The following ZNF576 variants were observed in gnomAD, a reference collection of about 807,000 sequenced individuals.
The protein encoded by ZNF576 is zinc finger protein 576.
ZNF576 carries 9 observed loss-of-function variants against 10.8 expected under a neutral mutation model. That is an observed-to-expected ratio of 0.84 (90% CI 0.50 to 1.46). ZNF576 has a LOEUF of 1.46. ZNF576 is among the 40% of genes most tolerant of loss of function. The probability of loss-of-function intolerance (pLI) is 0.00; values close to 1 mark genes in which losing one functional copy is unlikely to be tolerated. For missense variants in ZNF576, 191 were observed against 233.7 expected (o/e 0.82, Z 1.19); for synonymous variants, 88 against 89.6 (o/e 0.98, Z 0.10).
chr19:43,599,195 G>A lies in ZNF576; in HGVS notation c.450G>A (p.Gln150=). The A allele has an allele frequency of 6.2e-7, 1 of 1,614,234 alleles. No homozygotes were observed. Residue 150 remains glutamine (Q), a synonymous_variant, in exon 3 of 3, where the codon CAG becomes CAA. Transcript: ENST00000336564. Reference sequence around the variant, plus strand: ...CCTTCGCCTGCACAGAGTGCGGTCAGGACTTTGCTCAGGAAGCAGGGCTGC... The same window carrying A: ...CCTTCGCCTGCACAGAGTGCGGTCAAGACTTTGCTCAGGAAGCAGGGCTGC... ...PGTFACTECG[Q]DFAQEAGLHQ...
chr19:43,598,257 G>T (rs1410737404), intron 2 of ZNF576, among the ~76,000 whole-genome samples: 1 of 152,094 alleles, frequency 6.6e-6, no homozygotes, highest in Non-Finnish European at 1.5e-5. Context: ...GTCACAGCGT[G>T]GCCTTGTCTG....
Position 43,599,363 on chromosome 19 carries a change from C to CAGGGGAGGGAAGCAAA in ZNF576, c.*105_*106insAGGGGAGGGAAGCAAA. On this transcript the variant is annotated 3_prime_UTR_variant, in exon 3 of 3. Coordinates refer to ENST00000336564, the MANE Select transcript of ZNF576 (RefSeq NM_001145347.2). ...TGGGGGCCCTGAAGGATTTGCTTCC[C>CAGGGGAGGGAAGCAAA]TCCCCTGGGAAGGCAGAGGGCTCTT... The CAGGGGAGGGAAGCAAA allele has an allele frequency of 8.1e-7, 1 of 1,240,388 alleles. No homozygotes were observed. The highest frequency in any genetic ancestry group is 1.1e-6 in the Non-Finnish European group (1 of 906,736). 76.8% of individuals were successfully genotyped at this position (1,240,388 alleles called of 1,614,324 possible). A position where few individuals can be genotyped will look rare whatever the true frequency, so the allele number is the denominator to read the frequency against.
chr19:43,598,998 G>A lies in ZNF576; in HGVS notation c.253G>A (p.Ala85Thr). ...CGCCCGCTCCTTCCCCTCCTCCAAA[G>A]CCCTAATCACCCACCAGCGCAGCCA... ...TCARSFPSSK[A>T]LITHQRSHGP... Residue 85 changes from alanine to threonine, a missense_variant, in exon 3 of 3, where the codon GCC (alanine) becomes ACC (threonine). By Grantham distance (58) the Ala-to-Thr change is moderately conservative. Coordinates refer to ENST00000336564, the MANE Select transcript of ZNF576 (RefSeq NM_001145347.2). 6.2e-7 allele frequency: 1 copy of A among 1,614,084 alleles called. No individual in the cohort carries two copies. Among genetic ancestry groups the A allele is most frequent in the Non-Finnish European group, 8.5e-7 (1 of 1,180,014 alleles).
Position 43,599,104 on chromosome 19 carries a change from C to T in ZNF576, c.359C>T (p.Thr120Ile), listed in dbSNP as rs150808250. The change falls in exon 3 of 3, where the codon ACC (threonine) becomes ATC (isoleucine). Residue 120 changes from threonine to isoleucine, a missense_variant. Thr to Ile is a moderately conservative substitution (Grantham distance 89). Transcript: ENST00000336564. ...PTFPCPDCGK[T>I]FGQAVSLRRH... Reference sequence around the variant, plus strand: ...TTCCCTTGTCCTGACTGTGGCAAGACCTTTGGGCAGGCTGTTTCTCTGAGG... The same window carrying T: ...TTCCCTTGTCCTGACTGTGGCAAGATCTTTGGGCAGGCTGTTTCTCTGAGG... 1.6e-5 allele frequency: 26 copies of T among 1,614,136 alleles called. No homozygotes were observed. The highest frequency in any genetic ancestry group is 2.0e-5 in the Non-Finnish European group (24 of 1,180,060).
At chr19:43,597,451 G>T in intron 2 of ZNF576, 1 of 388,276 alleles carries the variant, frequency 2.6e-6, no homozygotes, top group Non-Finnish European at 4.8e-6. Context: ...TCCAGGAGAG[G>T]CTTGGGTTGG....
Position 43,599,333 on chromosome 19 carries a change from A to T in ZNF576, c.*75A>T. On this transcript the variant is annotated 3_prime_UTR_variant, in exon 3 of 3. Transcript: ENST00000336564. ...ACTCACCCATGATATGGGGTGCAGG[A>T]ACTCTGGGGGCCCTGAAGGATTTGC... The T allele has an allele frequency of 6.8e-7, 1 of 1,459,986 alleles. No individual in the cohort carries two copies. Among genetic ancestry groups the T allele is most frequent in the Non-Finnish European group, 9.3e-7 (1 of 1,080,586 alleles). The allele number at this position is 1,459,986 out of a possible 1,614,324, so 90.4% of individuals were successfully genotyped here.
In ZNF576 at chr19:43,597,118, C is replaced by A. The variant is rs1208505690; in HGVS notation, c.10C>A (p.Pro4Thr). 1.9e-6 allele frequency: 3 copies of A among 1,613,878 alleles called. No individual in the cohort carries two copies. Among genetic ancestry groups the A allele is most frequent in the Non-Finnish European group, 8.5e-7 (1 of 1,179,994 alleles). ...GAAGGGTCCCAGCACCATGGAGGAC[C>A]CGAACCCTGAAGAGAACATGAAGCA... MEDPNPEENMKQQD... is the reference protein window; with the variant it reads MEDTNPEENMKQQD... The change falls in exon 2 of 3, where the codon CCG (proline) becomes ACG (threonine). Residue 4 changes from proline to threonine, a missense_variant. Transcript: ENST00000336564.
rs1973202031 is a variant in ZNF576 at position 43,601,005 on chromosome 19, A to G, written c.*1747A>G. ...GTCTCTCGTCAATTTCAAGGAGCACAGCCACCATACCAGCCCACTTCCATA... is the reference window on the plus strand; with the variant it reads ...GTCTCTCGTCAATTTCAAGGAGCACGGCCACCATACCAGCCCACTTCCATA... On this transcript the variant is annotated 3_prime_UTR_variant, in exon 3 of 3. Transcript: ENST00000336564. The G allele has an allele frequency of 6.6e-6, 1 of 152,214 alleles. No individual in the cohort carries two copies. The highest frequency in any genetic ancestry group is 6.6e-5 in the Admixed American group (1 of 15,260). 9.4% of individuals were successfully genotyped at this position (152,214 alleles called of 1,614,324 possible).
intron 2 of ZNF576, among the ~76,000 whole-genome samples, chr19:43,597,950 G>A (rs1973167200): frequency 6.6e-6 from 1 of 152,134 alleles, no homozygotes; most frequent in Non-Finnish European, 1.5e-5. Flanking sequence ...TGGTAAAAAC[G>A]ACACAGGATT....
rs73556563 is a variant in ZNF576 at position 43,599,515 on chromosome 19, C to T, written c.*257C>T. ...AAAAAAAAAAAATGGGAAGGGAGTG[C>T]GGGAGAGAAATGGTTTGTGTCTCCC... On this transcript the variant is annotated 3_prime_UTR_variant, in exon 3 of 3. Coordinates refer to ENST00000336564, the MANE Select transcript of ZNF576 (RefSeq NM_001145347.2). 434 of 489,084 alleles carry T rather than the reference C, an allele frequency of 8.9e-4. No individual in the cohort carries two copies. Among genetic ancestry groups the T allele is most frequent in the African/African-American group, 7.8e-3 (400 of 50,998 alleles). The allele number at this position is 489,084 out of a possible 1,614,324, so 30.3% of individuals were successfully genotyped here. A position where few individuals can be genotyped will look rare whatever the true frequency, so the allele number is the denominator to read the frequency against.
rs769484198 is a variant in ZNF576, at chr19:43,597,203, CAT to C, written c.85+11_85+12del. 2.2e-5 allele frequency: 35 copies of C among 1,612,968 alleles called. No homozygotes were observed. The South Asian group carries it at 3.7e-4, about 17-fold the overall frequency. The stretch of plus-strand genomic sequence containing the variant: ...CCAGGAGGCAACATCTGTGAGTACA[CAT>C]GGCTGGCGGGCTAGAGGAGGGTGGG... On this transcript the variant is annotated intron_variant, in intron 2 of 2. Transcript: ENST00000336564.
At chr19:43,596,807 G>A in intron 1 of ZNF576, 64 bp downstream of exon 1, 1 of 247,338 alleles carries the variant, frequency 4.0e-6, no homozygotes, top group Non-Finnish European at 8.0e-6. Flanking sequence ...AAAGATCAAG[G>A]CTTCCACGCT....
chr19:43,598,417 C>G (rs111258350), intron 2 of ZNF576, among the ~76,000 whole-genome samples: 1 of 152,130 alleles, frequency 6.6e-6, no homozygotes, highest in Non-Finnish European at 1.5e-5. Flanking sequence ...TTCCTTCCAA[C>G]GGTCCTATGG....
At chr19:43,596,515 C>G (rs900476547), upstream of ZNF576, 9 of 152,832 alleles carry the variant, frequency 5.9e-5, no homozygotes, top group African/African-American at 2.2e-4. Context: ...TGAGTGGTCC[C>G]TATCCCACTT....
chr19:43,597,892 T>A (rs1973166110), intron 2 of ZNF576, among the ~76,000 whole-genome samples: 1 of 152,092 alleles, frequency 6.6e-6, no homozygotes, highest in South Asian at 2.1e-4. Flanking sequence ...GGTTTCTCAC[T>A]GCAATGAACA....
chr19:43,598,902 A>G lies in ZNF576; in HGVS notation c.157A>G (p.Met53Val). The change falls in exon 3 of 3, where the codon ATG becomes GTG. Residue 53 changes from methionine (M) to valine (V), a missense_variant. Transcript: ENST00000336564. ...FADSKFQERH[M>V]KREHPADFVA... ...AGATTCCAAGTTCCAGGAGCGTCAC[A>G]TGAAGCGGGAGCACCCAGCGGACTT... 1.2e-6 allele frequency: 2 copies of G among 1,609,304 alleles called. No individual in the cohort carries two copies. Among genetic ancestry groups the G allele is most frequent in the Non-Finnish European group, 1.7e-6 (2 of 1,176,392 alleles).
At position 43,599,044 on chromosome 19, in the gene ZNF576, C is replaced by A. The variant is rs748219175; in HGVS notation, c.299C>A (p.Thr100Asn). 1.7e-5 allele frequency: 27 copies of A among 1,614,126 alleles called. No homozygotes were observed. The Admixed American group carries it at 4.5e-4, about 27-fold the overall frequency. The part of the protein sequence containing the change: ...QRSHGPAAKP[T>N]LPVATTTAQP... The stretch of plus-strand genomic sequence containing the variant: ...AGCCACGGTCCAGCCGCCAAGCCCA[C>A]CCTGCCGGTTGCAACCACTACTGCC... The change falls in exon 3 of 3, where the codon ACC becomes AAC. Residue 100 changes from threonine (T) to asparagine (N), a missense_variant. Physicochemically the swap from Thr to Asn is moderately conservative, Grantham distance 65. Transcript: ENST00000336564.
At chr19:43,598,259 C>T (rs1973171492) in intron 2 of ZNF576, among the ~76,000 whole-genome samples, 1 of 152,108 alleles carries the variant, frequency 6.6e-6, no homozygotes, top group Non-Finnish European at 1.5e-5. Flanking sequence ...CACAGCGTGG[C>T]CTTGTCTGTC....
chr19:43,598,913 G>A lies in ZNF576; in HGVS notation c.168G>A (p.Glu56=), dbSNP rs754753233. 3 of 1,612,108 alleles carry A rather than the reference G, an allele frequency of 1.9e-6. No homozygotes were observed. The highest frequency in any genetic ancestry group is 2.2e-5 in the East Asian group (1 of 44,818). The change falls in exon 3 of 3, where the codon GAG becomes GAA. Residue 56 remains glutamate (E), a synonymous_variant. Transcript: ENST00000336564. The part of the protein sequence containing the change: ...SKFQERHMKR[E]HPADFVAQKL... ...TCCAGGAGCGTCACATGAAGCGGGA[G>A]CACCCAGCGGACTTCGTGGCCCAGA...
Sources: allele counts gnomAD v4.1 joint callset (sites outside exome capture counted in the v4.1 genomes callset), GRCh38; gene constraint gnomAD v4.1.1; transcripts MANE v1.5; gene names NCBI Gene and HGNC (gene_info 2026-07-23, HGNC 2026-07-21).